Variants in FTO observed in about 807,000 individuals in gnomAD.
FTO encodes the protein FTO alpha-ketoglutarate dependent dioxygenase.
Under a neutral mutation model 63.9 loss-of-function variants are expected in FTO, and 47 were observed. That is an observed-to-expected ratio of 0.74 (90% confidence interval 0.58 to 0.94). The LOEUF (loss-of-function observed/expected upper bound fraction) is 0.94, where lower values mean the gene tolerates loss of function less well. Ranked by LOEUF, FTO falls within the 40% of genes least tolerant of loss-of-function variation. The probability of loss-of-function intolerance (pLI) is 0.00; values close to 1 mark genes in which losing one functional copy is unlikely to be tolerated. For synonymous variants in FTO, 207 were observed against 224.4 expected (o/e 0.92, Z 0.69); for missense variants, 562 against 618.1 (o/e 0.91, Z 0.96).
intron 8 of FTO, among the ~76,000 whole-genome samples, chr16:54,020,368 A>G (rs1363183832): frequency 6.6e-6 from 1 of 152,220 alleles, no homozygotes; most frequent in African/African-American, 2.4e-5. Flanking sequence ...TACACCATGA[A>G]GACATTGCTT....
In FTO at chr16:53,825,894, C is replaced by A. The variant is rs531215275; in HGVS notation, c.154C>A (p.Arg52=). The change falls in exon 3 of 9, where the codon CGA becomes AGA. Residue 52 remains arginine (R), a synonymous_variant. Coordinates refer to ENST00000471389, the MANE Select transcript of FTO (RefSeq NM_001080432.3). ...WQLKYPKLIL[R]EASSVSEELH... ...GCTGAAATATCCTAAACTAATTCTCCGAGAAGCCAGCAGTGTATCTGAGGA... is the reference window on the plus strand; with the variant it reads ...GCTGAAATATCCTAAACTAATTCTCAGAGAAGCCAGCAGTGTATCTGAGGA... 6.2e-7 allele frequency: 1 copy of A among 1,614,062 alleles called. No individual in the cohort carries two copies. Among genetic ancestry groups the A allele is most frequent in the South Asian group, 1.1e-5 (1 of 91,082 alleles).
chr16:53,912,791 A>G (rs1258577939), intron 7 of FTO, among the ~76,000 whole-genome samples: 1 of 152,202 alleles, frequency 6.6e-6, no homozygotes, highest in Non-Finnish European at 1.5e-5. Context: ...GCTGGGATTA[A>G]TTAAGTCTGA....
chr16:53,970,772 G>A (rs2083299973), intron 8 of FTO, among the ~76,000 whole-genome samples: 1 of 152,128 alleles, frequency 6.6e-6, no homozygotes, highest in Admixed American at 6.6e-5. Context: ...AAAGCCGCCA[G>A]TGTGACACTT....
At chr16:53,910,323 CAG>C (rs1487726405) in intron 7 of FTO, among the ~76,000 whole-genome samples, 3 of 152,062 alleles carry the variant, frequency 2.0e-5, no homozygotes, top group African/African-American at 7.2e-5. Context: ...GTTCTGGAGA[CAG>C]TGGTTGGAGC....
chr16:53,736,682 G>T (rs945226979), intron 1 of FTO, among the ~76,000 whole-genome samples: 3 of 152,096 alleles, frequency 2.0e-5, no homozygotes, highest in African/African-American at 7.2e-5. Flanking sequence ...CTGACAAGTG[G>T]TTTTTCTTAT....
At chr16:53,841,794 T>C (rs1222091317) in intron 3 of FTO, among the ~76,000 whole-genome samples, 1 of 152,220 alleles carries the variant, frequency 6.6e-6, no homozygotes, top group African/African-American at 2.4e-5. Context: ...AAACATGCTT[T>C]ATTGTGCATT....
intron 7 of FTO, among the ~76,000 whole-genome samples, chr16:53,922,548 A>G (rs9938391): frequency 0.026 from 3,971 of 152,332 alleles, 194 homozygotes; most frequent in African/African-American, 0.09. Context: ...CAGAACCGAC[A>G]AAGGAAACTA....
At chr16:53,887,760 T>G (rs2081037937) in intron 6 of FTO, 1 of 152,186 alleles carries the variant, frequency 6.6e-6, no homozygotes, top group Non-Finnish European at 1.5e-5. Flanking sequence ...ATATTCAGCT[T>G]GTACTAATAT....
chr16:53,844,522 C>T (rs768890989), intron 4 of FTO, among the ~76,000 whole-genome samples: 1 of 152,114 alleles, frequency 6.6e-6, no homozygotes, highest in Non-Finnish European at 1.5e-5. Flanking sequence ...TGCAGTGGCA[C>T]AATCTCTGCT....
At chr16:53,975,972 G>GC (rs1325024930) in intron 8 of FTO, among the ~76,000 whole-genome samples, 1 of 152,134 alleles carries the variant, frequency 6.6e-6, no homozygotes, top group Non-Finnish European at 1.5e-5. Flanking sequence ...CAGGCAGCCT[G>GC]CCACCAGAGT....
intron 8 of FTO, among the ~76,000 whole-genome samples, chr16:54,109,228 G>C (rs924250854): frequency 2.6e-5 from 4 of 152,180 alleles, no homozygotes; most frequent in Admixed American, 6.5e-5. Context: ...CCCAACAAAG[G>C]GTTCTACTCC....
chr16:53,997,225 G>GAGAA (rs563080074), intron 8 of FTO, among the ~76,000 whole-genome samples: 319 of 150,814 alleles, frequency 2.1e-3, no homozygotes, highest in Non-Finnish European at 3.6e-3. Context: ...AGGAGAGAGA[G>GAGAA]AGAAAGAAAG....
intron 6 of FTO, among the ~76,000 whole-genome samples, chr16:53,880,217 G>A (rs1255855794): frequency 2.0e-5 from 3 of 151,956 alleles, no homozygotes; most frequent in East Asian, 1.9e-4. Context: ...GGCTGGTCTC[G>A]AACTCCTGAC....
At chr16:53,980,570 AC>A (rs1647329943) in intron 8 of FTO, among the ~76,000 whole-genome samples, 1 of 152,204 alleles carries the variant, frequency 6.6e-6, no homozygotes, top group South Asian at 2.1e-4. Context: ...GCCCTGCTCA[AC>A]TGCCTGAACA....
At chr16:53,922,557 T>C (rs571253828) in intron 7 of FTO, among the ~76,000 whole-genome samples, 1 of 152,346 alleles carries the variant, frequency 6.6e-6, no homozygotes, top group South Asian at 2.1e-4. Flanking sequence ...CAAAGGAAAC[T>C]ACTGATGGTG....
chr16:53,920,084 G>T (rs1361952816), intron 7 of FTO, among the ~76,000 whole-genome samples: 2 of 152,138 alleles, frequency 1.3e-5, no homozygotes, highest in Non-Finnish European at 2.9e-5. Flanking sequence ...ACTCTGACTG[G>T]CTGGTACTTT....
chr16:53,860,894 A>G (rs1278785805), intron 4 of FTO, among the ~76,000 whole-genome samples: 1 of 146,238 alleles, frequency 6.8e-6, no homozygotes, highest in African/African-American at 2.5e-5. Flanking sequence ...ACACACACAC[A>G]CACACACACA....
intron 8 of FTO, among the ~76,000 whole-genome samples, chr16:54,015,888 AGCCCTTG>A (rs2084433829): frequency 1.3e-5 from 2 of 152,218 alleles, no homozygotes; most frequent in African/African-American, 4.8e-5. Context: ...TCAGAGCCAA[AGCCCTTG>A]GCCATTTTTC....
intron 1 of FTO, among the ~76,000 whole-genome samples, chr16:53,705,557 C>T (rs1278114076): frequency 1.3e-5 from 2 of 152,162 alleles, no homozygotes; most frequent in African/African-American, 2.4e-5. Context: ...TCATCTTACA[C>T]GTGAGTCTGT....
Sources: allele counts gnomAD v4.1 joint callset (sites outside exome capture counted in the v4.1 genomes callset), GRCh38; gene constraint gnomAD v4.1.1; transcripts MANE v1.5; gene names NCBI Gene and HGNC (gene_info 2026-07-23, HGNC 2026-07-21).